PBX3: variants seen among roughly 807,000 people sequenced by gnomAD.
PBX3 encodes PBX homeobox 3.
In PBX3, 14 loss-of-function variants were observed where a neutral mutation model predicts 48.5. The ratio of observed to expected loss-of-function variants is 0.29; its 90% CI spans 0.19 to 0.45. The LOEUF (loss-of-function observed/expected upper bound fraction) is 0.45. PBX3 is among the 20% of genes least tolerant of loss of function. The probability of loss-of-function intolerance (pLI) is 1.00; values close to 1 mark genes in which losing one functional copy is unlikely to be tolerated. For synonymous variants in PBX3, 210 were observed against 200.3 expected, an observed-to-expected ratio of 1.05 and a Z score of -0.41; for missense variants, 386 against 546.7, an observed-to-expected ratio of 0.71 and a Z score of 2.93.
intron 2 of PBX3, among the ~76,000 whole-genome samples, chr9:125,850,996 G>C (rs1009285574): frequency 6.6e-6 from 1 of 152,174 alleles, no homozygotes; most frequent in East Asian, 1.9e-4. Context: ...TCTGTCTTCT[G>C]GCCTTGGTTG....
chr9:125,747,747 G>A lies in PBX3; in HGVS notation c.200+94G>A, dbSNP rs1836235089. 10 of 909,158 alleles carry A rather than the reference G, an allele frequency of 1.1e-5. No homozygotes were observed. In the South Asian group the frequency reaches 1.5e-4, roughly 14 times the overall value. The allele number at this position is 909,158 out of a possible 1,614,324, so 56.3% of individuals were successfully genotyped here. A position where few individuals can be genotyped will look rare whatever the true frequency, so the allele number is the denominator to read the frequency against. ...CGGGGTGGCGCCCGGGGCTAGGGCC[G>A]CAGCCCCCGGCGGGGAACTTTCTCC... On this transcript the variant is annotated intron_variant, in intron 1 of 8. Coordinates refer to ENST00000373489, the MANE Select transcript of PBX3 (RefSeq NM_006195.6).
In PBX3 at chr9:125,781,566, G is replaced by A. The variant is rs192700285; in HGVS notation, c.274+32943G>A. Among the ~76,000 whole-genome samples the A allele has an allele frequency of 3.0e-3, 430 of 143,834 alleles. 2 individuals are homozygous for A. Among genetic ancestry groups the A allele is most frequent in the African/African-American group, 4.4e-3 (170 of 38,812 alleles). 94.4% of individuals were successfully genotyped at this position (143,834 alleles called of 152,430 possible). ...AGGGGAGAGGGGAGAGGGGAGAGGCGAGAGGGGAGAGGGGAGAGGCGAGAG... is the reference window on the plus strand; with the variant it reads ...AGGGGAGAGGGGAGAGGGGAGAGGCAAGAGGGGAGAGGGGAGAGGCGAGAG... On this transcript the variant is annotated intron_variant, in intron 2 of 8. Coordinates refer to ENST00000373489, the MANE Select transcript of PBX3 (RefSeq NM_006195.6).
chr9:125,764,681 C>T (rs570946699), intron 2 of PBX3, among the ~76,000 whole-genome samples: 90 of 152,196 alleles, frequency 5.9e-4, no homozygotes, highest in Non-Finnish European at 7.6e-4. Flanking sequence ...TTTTAAGATC[C>T]GAAATGGTTC....
Position 125,799,860 on chromosome 9 carries a change from C to T in PBX3, c.274+51237C>T, listed in dbSNP as rs908350166. On this transcript the variant is annotated intron_variant, in intron 2 of 8. Transcript: ENST00000373489. ...ATCCTTCTAAATCAGGGAAACTGTACTCTTTAAATTCAATTCTGTCTAATT... is the reference window on the plus strand; with the variant it reads ...ATCCTTCTAAATCAGGGAAACTGTATTCTTTAAATTCAATTCTGTCTAATT... 3.3e-5 allele frequency among the ~76,000 whole-genome samples: 5 copies of T among 152,248 alleles called. No homozygotes were observed. In the South Asian group the frequency reaches 1.0e-3, roughly 32 times the overall value.
chr9:125,819,135 CT>C (rs1186257874), intron 2 of PBX3, among the ~76,000 whole-genome samples: 1 of 151,918 alleles, frequency 6.6e-6, no homozygotes, highest in Non-Finnish European at 1.5e-5. Context: ...TGTGCCTGGC[CT>C]GATAATTATT....
At chr9:125,840,579 TTTTC>T (rs1438781308) in intron 2 of PBX3, among the ~76,000 whole-genome samples, 1 of 151,884 alleles carries the variant, frequency 6.6e-6, no homozygotes, top group Non-Finnish European at 1.5e-5. Flanking sequence ...AACTGGCCAT[TTTTC>T]TTTCTTAACT....
chr9:125,866,914 C>T (rs551318727), intron 2 of PBX3, among the ~76,000 whole-genome samples: 2 of 152,166 alleles, frequency 1.3e-5, no homozygotes, highest in South Asian at 4.1e-4. Flanking sequence ...TTTTGTCTTA[C>T]TTGCTTTTTT....
rs181856472 is a variant in PBX3, at chr9:125,786,876, C to T, written c.274+38253C>T. ...AGTAGCTGAGATTACAGGTGCACAC[C>T]ACCACACCCAGCTAATTTTTGTATT... On this transcript the variant is annotated intron_variant, in intron 2 of 8. Coordinates refer to ENST00000373489, the MANE Select transcript of PBX3 (RefSeq NM_006195.6). Among the ~76,000 whole-genome samples, 192 of 152,046 alleles carry T rather than the reference C, an allele frequency of 1.3e-3. 1 individual carries two copies. Among genetic ancestry groups the T allele is most frequent in the Non-Finnish European group, 4.9e-4 (33 of 67,982 alleles).
chr9:125,800,595 G>T (rs1055920864), intron 2 of PBX3, among the ~76,000 whole-genome samples: 2 of 152,032 alleles, frequency 1.3e-5, no homozygotes, highest in Admixed American at 1.3e-4. Context: ...GGTTGGAATG[G>T]CTGCTGCTAG....
At chr9:125,947,345 C>T (rs185368722) in intron 5 of PBX3, among the ~76,000 whole-genome samples, 2 of 152,178 alleles carry the variant, frequency 1.3e-5, no homozygotes, top group East Asian at 3.9e-4. Context: ...TTAAAATACA[C>T]AACAATAATG....
chr9:125,861,191 A>G (rs1201314711), intron 2 of PBX3, among the ~76,000 whole-genome samples: 3 of 151,736 alleles, frequency 2.0e-5, no homozygotes, highest in African/African-American at 7.3e-5. Flanking sequence ...GCTACCCGGG[A>G]GGTTGAGGTG....
At chr9:125,947,055 G>C (rs967454089) in intron 5 of PBX3, among the ~76,000 whole-genome samples, 1 of 152,146 alleles carries the variant, frequency 6.6e-6, no homozygotes, top group Non-Finnish European at 1.5e-5. Flanking sequence ...CAAATTAAAT[G>C]TCCGCCTAGA....
chr9:125,882,510 G>A (rs777971441), intron 2 of PBX3, among the ~76,000 whole-genome samples: 3 of 152,180 alleles, frequency 2.0e-5, no homozygotes, highest in Non-Finnish European at 2.9e-5. Flanking sequence ...GGGTGGTTGG[G>A]TATTTGTAAA....
intron 2 of PBX3, among the ~76,000 whole-genome samples, chr9:125,753,521 C>T (rs1476692906): frequency 1.3e-5 from 2 of 151,966 alleles, no homozygotes; most frequent in African/African-American, 4.8e-5. Flanking sequence ...AATATAGAGA[C>T]ATTTTCCAAT....
At chr9:125,835,051 A>AAAAAAAAAAAAT (rs1564681272) in intron 2 of PBX3, among the ~76,000 whole-genome samples, 3 of 108,060 alleles carry the variant, frequency 2.8e-5, no homozygotes, top group Admixed American at 1.1e-4. Flanking sequence ...AAAAAAAAAA[A>AAAAAAAAAAAAT]GGGCAAAAGA....
At chr9:125,813,154 C>G (rs1377714539) in intron 2 of PBX3, among the ~76,000 whole-genome samples, 1 of 152,162 alleles carries the variant, frequency 6.6e-6, no homozygotes, top group Non-Finnish European at 1.5e-5. Flanking sequence ...TGTAATAACA[C>G]TTAGCTTAAA....
intron 3 of PBX3, among the ~76,000 whole-genome samples, chr9:125,919,142 C>T (rs1260000386): frequency 6.6e-6 from 1 of 151,854 alleles, no homozygotes; most frequent in African/African-American, 2.4e-5. Context: ...CAGGTACGTT[C>T]TGGTTTTCTC....
intron 2 of PBX3, among the ~76,000 whole-genome samples, chr9:125,877,065 C>A (rs904018489): frequency 6.6e-6 from 1 of 152,118 alleles, no homozygotes; most frequent in African/African-American, 2.4e-5. Context: ...AGCCACCGTG[C>A]CGGGCACATG....
intron 1 of PBX3, chr9:125,748,208 G>A (rs1020160370): frequency 3.0e-6 from 3 of 1,009,116 alleles, no homozygotes; most frequent in Non-Finnish European, 3.6e-6. Context: ...CCTCTGCACA[G>A]GAGCGGACGC....
Sources: gnomAD v4.1 joint callset for allele counts (sites outside exome capture counted in the v4.1 genomes callset) on GRCh38, gnomAD v4.1.1 for gene constraint, MANE v1.5 for transcripts, NCBI Gene and HGNC (gene_info 2026-07-23, HGNC 2026-07-21) for gene names.